Variants in LRP8 observed in about 807,000 individuals in gnomAD.
LRP8 encodes the protein LDL receptor related protein 8, also known as low-density lipoprotein receptor-related protein 8.
LRP8 carries 46 observed loss-of-function variants against 111.6 expected under a neutral mutation model. The observed-to-expected ratio is 0.41, with a 90% confidence interval of 0.33 to 0.53. The LOEUF (loss-of-function observed/expected upper bound fraction) is 0.53. Among genes scored for constraint, LRP8 ranks in the 20% least tolerant of loss-of-function variants. LRP8 has a pLI of 0.20. For synonymous variants in LRP8, 464 were observed against 511.2 expected (o/e 0.91, Z 1.24); for missense variants, 959 against 1,297.4 (o/e 0.74, Z 4.01).
At chr1:53,268,443 G>A (rs1435521075) in intron 8 of LRP8, 1 of 152,172 alleles carries the variant, frequency 6.6e-6, no homozygotes, top group Non-Finnish European at 1.5e-5. Context: ...GTTCTATATG[G>A]GGGCAAGAAC....
At position 53,275,712 on chromosome 1, in the gene LRP8, C is replaced by T. The variant is rs1242267907; in HGVS notation, c.925G>A (p.Gly309Arg). 4 of 1,614,090 alleles carry T rather than the reference C, an allele frequency of 2.5e-6. No individual in the cohort carries two copies. In the South Asian group the frequency reaches 3.3e-5, roughly 13 times the overall value. Reference sequence around the variant, plus strand: ...TGCTTGATTGCAAGGACACATGTCCCATCCCCACACTGGAACTCGTCCCCA... The same window carrying T: ...TGCTTGATTGCAAGGACACATGTCCTATCCCCACACTGGAACTCGTCCCCA... ...CRGDEFQCGD[G>R]TCVLAIKHCN... The change falls in exon 6 of 19, where the codon GGG becomes AGG. Residue 309 changes from glycine to arginine, a missense_variant. Gly to Arg is a moderately radical substitution (Grantham distance 125). This residue lies in a region of LRP8 where 819 missense variants were observed against 1,097.6 expected (regional missense o/e 0.75). Coordinates refer to ENST00000306052, the MANE Select transcript of LRP8 (RefSeq NM_004631.5). The surrounding 1 kb of genome is among the most constrained non-coding windows in gnomAD (Gnocchi z 4.4).
At chr1:53,274,337 G>C (rs879122216) in intron 6 of LRP8, among the ~76,000 whole-genome samples, 2 of 152,248 alleles carry the variant, frequency 1.3e-5, no homozygotes, top group Admixed American at 1.3e-4. Flanking sequence ...CAAGGGGCTA[G>C]AAGACCTCAG....
In LRP8 at chr1:53,275,533, G is replaced by T; in HGVS notation, c.1006+98C>A. The T allele has an allele frequency of 1.3e-6, 2 of 1,501,776 alleles. No individual in the cohort carries two copies. Among genetic ancestry groups the T allele is most frequent in the South Asian group, 2.5e-5 (2 of 80,454 alleles). The allele number at this position is 1,501,776 out of a possible 1,614,324, so 93.0% of individuals were successfully genotyped here. ...GCTCTGGGGGAAAATGCATCTTGGG[G>T]ACCAAGGGGAAACTCCTCCCAACTC... On this transcript the variant is annotated intron_variant, in intron 6 of 18. Transcript: ENST00000306052. This position sits in a 1 kb window ranked among gnomAD's most constrained non-coding sequence, Gnocchi z 4.4.
In LRP8 at chr1:53,317,012, C is replaced by T. The variant is rs528279740; in HGVS notation, c.244+9861G>A. Among the ~76,000 whole-genome samples the T allele has an allele frequency of 2.0e-5, 3 of 152,260 alleles. No individual in the cohort carries two copies. The highest frequency in any genetic ancestry group is 2.9e-5 in the Non-Finnish European group (2 of 68,010). On this transcript the variant is annotated intron_variant, in intron 2 of 18. Coordinates refer to ENST00000306052, the MANE Select transcript of LRP8 (RefSeq NM_004631.5). This position sits in a 1 kb window ranked among gnomAD's most constrained non-coding sequence, Gnocchi z 4.9. ...TGTCATCTTGGCCCCATAGCCTCCA[C>T]GGGTCCAGAATAGTCACCTCCCTCC...
chr1:53,261,998 T>A (rs573715735), intron 12 of LRP8, 70 bp downstream of exon 12: 9 of 1,559,016 alleles, frequency 5.8e-6, no homozygotes, highest in Non-Finnish European at 7.9e-6. Flanking sequence ...CAGGGACTCA[T>A]CCTATTTGAA....
chr1:53,290,294 TTCC>T (rs146311099), intron 2 of LRP8, among the ~76,000 whole-genome samples: 78 of 151,004 alleles, frequency 5.2e-4, no homozygotes, highest in Middle Eastern at 6.8e-3. Context: ...TCAATCCCAC[TTCC>T]TCCTCCTCCT....
chr1:53,247,770 A>T (rs1645773389), intron 18 of LRP8, among the ~76,000 whole-genome samples: 1 of 152,246 alleles, frequency 6.6e-6, no homozygotes, highest in Non-Finnish European at 1.5e-5. Flanking sequence ...TCAGACTCAG[A>T]GACAGTTCTA....
At chr1:53,297,995 C>T (rs947107674) in intron 2 of LRP8, among the ~76,000 whole-genome samples, 15 of 152,190 alleles carry the variant, frequency 9.9e-5, no homozygotes, top group Non-Finnish European at 1.8e-4. Context: ...GCCTCAGTTT[C>T]CTCAGGTGAA....
intron 3 of LRP8, 80 bp downstream of exon 3, chr1:53,289,487 C>T (rs1486132098): frequency 6.6e-7 from 1 of 1,517,732 alleles, no homozygotes; most frequent in East Asian, 2.5e-5. Context: ...GTTACCTCTC[C>T]TGAGCCTCAC....
At position 53,249,566 on chromosome 1, in the gene LRP8, G is replaced by C; in HGVS notation, c.2677-10C>G. The C allele has an allele frequency of 6.3e-7, 1 of 1,581,096 alleles. No homozygotes were observed. Among genetic ancestry groups the C allele is most frequent in the Non-Finnish European group, 8.6e-7 (1 of 1,163,772 alleles). On this transcript the variant is annotated splice_polypyrimidine_tract_variant and intron_variant, in intron 17 of 18. Coordinates refer to ENST00000306052, the MANE Select transcript of LRP8 (RefSeq NM_004631.5). This position sits in a 1 kb window ranked among gnomAD's most constrained non-coding sequence, Gnocchi z 4.1. Reference sequence around the variant, plus strand: ...CAAAGCTGCTGATTGCCTGACAGGGGGATGGCACTGTGGATGACCTCTGAG... The same window carrying C: ...CAAAGCTGCTGATTGCCTGACAGGGCGATGGCACTGTGGATGACCTCTGAG...
chr1:53,285,765 A>G (rs1459707876), intron 3 of LRP8, among the ~76,000 whole-genome samples: 3 of 151,908 alleles, frequency 2.0e-5, no homozygotes, highest in East Asian at 1.9e-4. Flanking sequence ...CAGGACAGCC[A>G]CTCCCTCTGT....
chr1:53,300,424 C>A (rs1345449957), intron 2 of LRP8, among the ~76,000 whole-genome samples: 1 of 152,232 alleles, frequency 6.6e-6, no homozygotes, highest in Non-Finnish European at 1.5e-5. Flanking sequence ...CCAGGGCCCA[C>A]AACACCAAAG....
Position 53,303,085 on chromosome 1 carries a change from G to A in LRP8, c.245-13396C>T, listed in dbSNP as rs1651283056. ...AGGTTGTAATGTTGAAATTCATGGT[G>A]AAATTGCACATCACCACAAAAGCAG... On this transcript the variant is annotated intron_variant, in intron 2 of 18. Transcript: ENST00000306052. This position sits in a 1 kb window ranked among gnomAD's most constrained non-coding sequence, Gnocchi z 4.3. Among the ~76,000 whole-genome samples the A allele has an allele frequency of 6.6e-6, 1 of 152,136 alleles. No individual in the cohort carries two copies. The highest frequency in any genetic ancestry group is 1.5e-5 in the Non-Finnish European group (1 of 68,026).
chr1:53,306,949 T>C (rs1368472384), intron 2 of LRP8, among the ~76,000 whole-genome samples: 1 of 152,194 alleles, frequency 6.6e-6, no homozygotes, highest in African/African-American at 2.4e-5. Flanking sequence ...AGGGACAGGA[T>C]GGGCCCAGGT....
rs1039935395 is a variant in LRP8 at position 53,275,104 on chromosome 1, C to G, written c.1006+527G>C. On this transcript the variant is annotated intron_variant, in intron 6 of 18. Coordinates refer to ENST00000306052, the MANE Select transcript of LRP8 (RefSeq NM_004631.5). The surrounding 1 kb of genome is among the most constrained non-coding windows in gnomAD (Gnocchi z 4.4). Reference sequence around the variant, plus strand: ...GTCCTAGGAGGACCAGGCAGCAGCTCTAGAGAGACCTTAGAGGCTGGACTG... The same window carrying G: ...GTCCTAGGAGGACCAGGCAGCAGCTGTAGAGAGACCTTAGAGGCTGGACTG... 2.0e-5 allele frequency among the ~76,000 whole-genome samples: 3 copies of G among 152,174 alleles called. No individual in the cohort carries two copies. Among genetic ancestry groups the G allele is most frequent in the African/African-American group, 7.2e-5 (3 of 41,446 alleles).
At chr1:53,306,811 C>T (rs544021415) in intron 2 of LRP8, among the ~76,000 whole-genome samples, 3 of 152,324 alleles carry the variant, frequency 2.0e-5, no homozygotes, top group African/African-American at 4.8e-5. Context: ...TGGCTCTGAT[C>T]GTATTGTGAT....
intron 4 of LRP8, among the ~76,000 whole-genome samples, chr1:53,277,751 G>A (rs1029072383): frequency 2.0e-5 from 3 of 152,170 alleles, no homozygotes; most frequent in Non-Finnish European, 4.4e-5. Flanking sequence ...ACACCCTGGC[G>A]TTTCCCCGCT....
chr1:53,290,146 T>C (rs1648409977), intron 2 of LRP8, among the ~76,000 whole-genome samples: 1 of 152,192 alleles, frequency 6.6e-6, no homozygotes, highest in African/African-American at 2.4e-5. Flanking sequence ...ACATAGATGA[T>C]TCCTTTGTGG....
intron 2 of LRP8, among the ~76,000 whole-genome samples, chr1:53,302,950 G>A (rs1014868935): frequency 6.0e-5 from 9 of 151,138 alleles, no homozygotes; most frequent in African/African-American, 2.2e-4. Context: ...TCCAGAGTCA[G>A]GGCCTGGGAA....
Sources: allele counts gnomAD v4.1 joint callset (sites outside exome capture counted in the v4.1 genomes callset), GRCh38; gene constraint gnomAD v4.1.1; regional missense constraint gnomAD v4.1.1; non-coding constraint Gnocchi (gnomAD v3.1); transcripts MANE v1.5; gene names NCBI Gene and HGNC (gene_info 2026-07-23, HGNC 2026-07-21).